The following DEPTOR variants were observed in gnomAD, a reference collection of about 807,000 sequenced individuals.
DEPTOR encodes DEP domain containing MTOR interacting protein, also known as DEP domain-containing mTOR-interacting protein.
DEPTOR carries 41 observed loss-of-function variants against 41.6 expected under a neutral mutation model. The ratio of observed to expected loss-of-function variants is 0.98; its 90% CI spans 0.77 to 1.28. The LOEUF (loss-of-function observed/expected upper bound fraction) is 1.28. Ranked by LOEUF, DEPTOR falls within the 50% of genes most tolerant of loss-of-function variation. The pLI is 0.00. For missense variants in DEPTOR, 514 were observed against 527.9 expected (o/e 0.97, Z 0.26); for synonymous variants, 195 against 192.3 (o/e 1.01, Z -0.12).
intron 3 of DEPTOR, among the ~76,000 whole-genome samples, chr8:119,935,999 G>T (rs201733999): frequency 0.018 from 2,181 of 123,692 alleles, 58 homozygotes; most frequent in African/African-American, 0.061. Context: ...TAGTCTAGTT[G>T]TTTTTTTTTT....
chr8:120,036,197 A>G (rs1812977000), intron 8 of DEPTOR, among the ~76,000 whole-genome samples: 1 of 152,192 alleles, frequency 6.6e-6, no homozygotes, highest in Non-Finnish European at 1.5e-5. Flanking sequence ...TGGGGCTGAA[A>G]GGGGGCAGAT....
chr8:120,008,305 A>C (rs1812476493), intron 7 of DEPTOR, among the ~76,000 whole-genome samples: 1 of 152,012 alleles, frequency 6.6e-6, no homozygotes, highest in Non-Finnish European at 1.5e-5. Flanking sequence ...AGGCAGGTGG[A>C]TCACCTGAGC....
chr8:120,008,304 G>T (rs1191094900), intron 7 of DEPTOR, among the ~76,000 whole-genome samples: 2 of 152,022 alleles, frequency 1.3e-5, no homozygotes, highest in African/African-American at 4.8e-5. Flanking sequence ...GAGGCAGGTG[G>T]ATCACCTGAG....
rs144844223 is a variant in DEPTOR, at chr8:119,937,453, G to A, written c.425+7515G>A. Reference sequence around the variant, plus strand: ...AGATATGCACTTTCACAGTTTACTTGTGCTGCCCTAGTGGTTACATATAAT... The same window carrying A: ...AGATATGCACTTTCACAGTTTACTTATGCTGCCCTAGTGGTTACATATAAT... On this transcript the variant is annotated intron_variant, in intron 3 of 8. Coordinates refer to ENST00000286234, the MANE Select transcript of DEPTOR (RefSeq NM_022783.4). Among the ~76,000 whole-genome samples, 255 of 152,296 alleles carry A rather than the reference G, an allele frequency of 1.7e-3. 2 individuals are homozygous for A. The highest frequency in any genetic ancestry group is 0.01 in the Middle Eastern group (3 of 294).
At chr8:119,983,674 G>A (rs578185079) in intron 4 of DEPTOR, among the ~76,000 whole-genome samples, 32 of 152,110 alleles carry the variant, frequency 2.1e-4, no homozygotes, top group Middle Eastern at 3.4e-3. Context: ...ATGAGCCACC[G>A]TGCCTGGCCT....
At chr8:119,958,263 G>C (rs1828444285) in intron 3 of DEPTOR, among the ~76,000 whole-genome samples, 1 of 152,134 alleles carries the variant, frequency 6.6e-6, no homozygotes, top group Non-Finnish European at 1.5e-5. Context: ...CTGAGAGCTG[G>C]TGCTTGCTGT....
At chr8:120,037,721 C>T (rs1812999941) in intron 8 of DEPTOR, among the ~76,000 whole-genome samples, 1 of 152,126 alleles carries the variant, frequency 6.6e-6, no homozygotes, top group Admixed American at 6.6e-5. Flanking sequence ...TTGTAATAAA[C>T]ATGGTTATTT....
At chr8:119,913,992 C>CT (rs1382945830) in intron 1 of DEPTOR, among the ~76,000 whole-genome samples, 1 of 151,814 alleles carries the variant, frequency 6.6e-6, no homozygotes, top group Admixed American at 6.6e-5. Flanking sequence ...CCTTCCCCAT[C>CT]AAAATGGGAA....
intron 1 of DEPTOR, among the ~76,000 whole-genome samples, chr8:119,916,285 T>G (rs1286988560): frequency 5.4e-5 from 8 of 148,486 alleles, no homozygotes; most frequent in South Asian, 2.1e-4. Context: ...TTTTTTTTTT[T>G]TTTTTTTTTT....
At chr8:119,984,673 G>A (rs1586644729) in intron 4 of DEPTOR, among the ~76,000 whole-genome samples, 2 of 152,242 alleles carry the variant, frequency 1.3e-5, no homozygotes, top group East Asian at 3.9e-4. Flanking sequence ...TATCATTGAG[G>A]GACATTTGGG....
intron 1 of DEPTOR, among the ~76,000 whole-genome samples, chr8:119,919,699 A>G (rs979139125): frequency 1.3e-5 from 2 of 152,204 alleles, no homozygotes; most frequent in African/African-American, 4.8e-5. Context: ...TATCTATGTC[A>G]GTACTGTTGC....
intron 4 of DEPTOR, among the ~76,000 whole-genome samples, chr8:119,974,101 AGGAAAAGAAGGTACTAACT>A (rs1828666352): frequency 6.6e-6 from 1 of 151,776 alleles, no homozygotes; most frequent in Non-Finnish European, 1.5e-5. Flanking sequence ...GAGGGAAGGA[AGGAAAAGAAGGTACTAACT>A]GGGTGTGGTG....
At chr8:120,048,774 C>G (rs1813189379) in intron 8 of DEPTOR, among the ~76,000 whole-genome samples, 1 of 152,066 alleles carries the variant, frequency 6.6e-6, no homozygotes, top group South Asian at 2.1e-4. Context: ...AATGCACTAT[C>G]TAGTGTGAGC....
chr8:120,010,856 A>T (rs1280600972), intron 8 of DEPTOR, among the ~76,000 whole-genome samples: 1 of 152,062 alleles, frequency 6.6e-6, no homozygotes, highest in African/African-American at 2.4e-5. Flanking sequence ...TACTATTTAC[A>T]TTGTTTTTAT....
chr8:120,003,010 C>T lies in DEPTOR; in HGVS notation c.824C>T (p.Ala275Val). ...SPSKEIKIVS[A>V]VRRSSMSSCG... is the part of the protein sequence containing the mutation. ...AGCAAGGAGATCAAGATCGTGTCTG[C>T]AGTGAGGAGAAGCAGCATGAGCAGC... Residue 275 changes from alanine (A) to valine (V), a missense_variant, in exon 6 of 9, where the codon GCA becomes GTA. Physicochemically the swap from Ala to Val is moderately conservative, Grantham distance 64. Transcript: ENST00000286234. 1 of 1,596,282 alleles carries T rather than the reference C, an allele frequency of 6.3e-7. No homozygotes were observed. Among genetic ancestry groups the T allele is most frequent in the Non-Finnish European group, 8.5e-7 (1 of 1,171,958 alleles).
At chr8:120,008,059 C>CT (rs1812471848) in intron 7 of DEPTOR, among the ~76,000 whole-genome samples, 1 of 152,224 alleles carries the variant, frequency 6.6e-6, no homozygotes, top group Non-Finnish European at 1.5e-5. Flanking sequence ...TGGCTAGGAG[C>CT]TGTCCAGGGA....
At chr8:119,915,945 T>A (rs1277896842) in intron 1 of DEPTOR, among the ~76,000 whole-genome samples, 4 of 126,654 alleles carry the variant, frequency 3.2e-5, no homozygotes, top group Non-Finnish European at 3.3e-5. Flanking sequence ...CTTCATTTGT[T>A]AAAAAAAAAA....
chr8:119,902,098 G>A (rs1258631261), intron 1 of DEPTOR, among the ~76,000 whole-genome samples: 1 of 152,082 alleles, frequency 6.6e-6, no homozygotes, highest in Non-Finnish European at 1.5e-5. Flanking sequence ...AATCCTATGA[G>A]CAGAGAGGAA....
chr8:120,035,229 A>C (rs1403545881), intron 8 of DEPTOR, among the ~76,000 whole-genome samples: 1 of 152,100 alleles, frequency 6.6e-6, no homozygotes. Context: ...CTGAGGTGGG[A>C]GGATCGCTTG....
Sources: gnomAD v4.1 joint callset for allele counts (sites outside exome capture counted in the v4.1 genomes callset) on GRCh38, gnomAD v4.1.1 for gene constraint, MANE v1.5 for transcripts, NCBI Gene and HGNC (gene_info 2026-07-23, HGNC 2026-07-21) for gene names.